Variants in THSD7B observed in about 807,000 individuals in gnomAD.
THSD7B encodes thrombospondin type-1 domain-containing protein 7B.
THSD7B carries 138 observed loss-of-function variants against 213.6 expected under a neutral mutation model. That is an observed-to-expected ratio of 0.65 (90% CI 0.56 to 0.74). The LOEUF is 0.74. Ranked by LOEUF, THSD7B falls within the 30% of genes least tolerant of loss-of-function variation. The pLI is 0.00. For synonymous variants in THSD7B, 742 were observed against 687.0 expected (o/e 1.08, Z -1.25); for missense variants, 1,931 against 1,991.5 (o/e 0.97, Z 0.58).
At chr2:136,793,784 C>CAG (rs1225774294) in intron 1 of THSD7B, among the ~76,000 whole-genome samples, 2 of 151,754 alleles carry the variant, frequency 1.3e-5, no homozygotes, top group African/African-American at 2.4e-5. Flanking sequence ...ATCCTAGCCT[C>CAG]ATAACATAAA....
intron 2 of THSD7B, among the ~76,000 whole-genome samples, chr2:136,999,402 A>C (rs1415000790): frequency 6.6e-5 from 10 of 152,022 alleles, no homozygotes; most frequent in Admixed American, 6.6e-4. Context: ...CTGAAAAAGA[A>C]GGAAAGCTAG....
chr2:137,011,017 T>C (rs1038061675), intron 2 of THSD7B, among the ~76,000 whole-genome samples: 1 of 152,210 alleles, frequency 6.6e-6, no homozygotes, highest in African/African-American at 2.4e-5. Flanking sequence ...AAGGTTGATG[T>C]TATTAGCCTT....
intron 26 of THSD7B, 78 bp downstream of exon 26, chr2:137,663,653 G>C: frequency 7.8e-7 from 1 of 1,286,398 alleles, no homozygotes; most frequent in Non-Finnish European, 1.1e-6. Flanking sequence ...ATGATGGAAA[G>C]AATGGAGGGA....
rs58020021 is a variant in THSD7B, at chr2:137,000,814, G to A, written c.140-55606G>A. Among the ~76,000 whole-genome samples the A allele has an allele frequency of 5.1e-3, 778 of 152,144 alleles. 43 individuals carry two copies. The East Asian group carries it at 0.12, about 23-fold the overall frequency. ...AGCTACCAGGCATACCTTTGGAGAT[G>A]TTTTTATTTTATTTTTTATTTTTAG... On this transcript the variant is annotated intron_variant, in intron 2 of 27. Transcript: ENST00000409968.
rs757902339 is a variant in THSD7B, at chr2:137,092,555, G to A, written c.951-2318G>A. On this transcript the variant is annotated intron_variant, in intron 3 of 27. Coordinates refer to ENST00000409968, the MANE Select transcript of THSD7B (RefSeq NM_001316349.2). ...ATTTACTATCAATATGGCCAAATAT[G>A]AGCATATTTTACTCTGTCTTCTATA... 3.2e-4 allele frequency among the ~76,000 whole-genome samples: 48 copies of A among 152,242 alleles called. 1 individual carries two copies. The highest frequency in any genetic ancestry group is 3.4e-3 in the Middle Eastern group (1 of 294).
intron 14 of THSD7B, among the ~76,000 whole-genome samples, chr2:137,435,491 A>T (rs1179617133): frequency 1.3e-5 from 2 of 152,196 alleles, no homozygotes; most frequent in Admixed American, 1.3e-4. Flanking sequence ...TGTTTTCTCC[A>T]TTCCAGCCCC....
chr2:137,251,910 C>T (rs1682186615), intron 10 of THSD7B, among the ~76,000 whole-genome samples: 1 of 152,144 alleles, frequency 6.6e-6, no homozygotes, highest in South Asian at 2.1e-4. Flanking sequence ...CAAGCACCTA[C>T]TGTGTTGTTT....
At chr2:136,834,458 T>G (rs778190) in intron 1 of THSD7B, among the ~76,000 whole-genome samples, 93,217 of 151,876 alleles carry the variant, frequency 0.61, 28,888 homozygotes, top group South Asian at 0.71. Flanking sequence ...TAAAAGTGAA[T>G]GGACAAATCT....
At chr2:137,325,102 G>A (rs906746698) in intron 12 of THSD7B, among the ~76,000 whole-genome samples, 1 of 152,176 alleles carries the variant, frequency 6.6e-6, no homozygotes, top group South Asian at 2.1e-4. Flanking sequence ...CTGGACAGGC[G>A]GCCACAGGTT....
chr2:137,591,420 A>G, intron 17 of THSD7B, among the ~76,000 whole-genome samples: 1 of 151,964 alleles, frequency 6.6e-6, no homozygotes, highest in Non-Finnish European at 1.5e-5. Flanking sequence ...AATGATATAA[A>G]TGTCCTTATT....
At chr2:137,075,204 C>G (rs900799231) in intron 3 of THSD7B, among the ~76,000 whole-genome samples, 1 of 152,196 alleles carries the variant, frequency 6.6e-6, no homozygotes, top group Non-Finnish European at 1.5e-5. Context: ...TCCATTCTCC[C>G]CATCACTTTC....
chr2:137,115,148 G>C lies in THSD7B; in HGVS notation c.1224G>C (p.Trp408Cys). ...CPRYSWRTSE[W>C]KECQVSLLLE... Reference sequence around the variant, plus strand: ...GGTATTCCTGGAGAACTTCTGAATGGAAAGAATGCCAAGTCTCTCTCCTCC... The same window carrying C: ...GGTATTCCTGGAGAACTTCTGAATGCAAAGAATGCCAAGTCTCTCTCCTCC... Residue 408 changes from tryptophan (W) to cysteine (C), a missense_variant, in exon 5 of 28, where the codon TGG becomes TGC. By Grantham distance (215) the Trp-to-Cys change is radical. Transcript: ENST00000409968. The C allele has an allele frequency of 6.2e-7, 1 of 1,613,880 alleles. No homozygotes were observed. Among genetic ancestry groups the C allele is most frequent in the Non-Finnish European group, 8.5e-7 (1 of 1,179,854 alleles).
intron 14 of THSD7B, among the ~76,000 whole-genome samples, chr2:137,414,408 G>GTATA (rs139229283): frequency 6.6e-6 from 1 of 151,428 alleles, no homozygotes; most frequent in Non-Finnish European, 1.5e-5. Context: ...GTGTGTGTGT[G>GTATA]TATATATATA....
At chr2:137,463,899 T>C (rs2105083362) in intron 15 of THSD7B, among the ~76,000 whole-genome samples, 1 of 152,254 alleles carries the variant, frequency 6.6e-6, no homozygotes, top group African/African-American at 2.4e-5. Flanking sequence ...AGGCAGCTTC[T>C]GCACAGCCTC....
intron 17 of THSD7B, among the ~76,000 whole-genome samples, chr2:137,575,725 C>CACACACATATATATATAT (rs59620213): frequency 1.8e-5 from 2 of 110,816 alleles, no homozygotes; most frequent in Admixed American, 1.0e-4. Flanking sequence ...CCATAACACA[C>CACACACATATATATATAT]ATATATATAT....
At chr2:137,011,609 T>G (rs2104834570) in intron 2 of THSD7B, among the ~76,000 whole-genome samples, 1 of 152,312 alleles carries the variant, frequency 6.6e-6, no homozygotes, top group South Asian at 2.1e-4. Flanking sequence ...CACAGGAAGC[T>G]TCTCCATCTT....
intron 2 of THSD7B, among the ~76,000 whole-genome samples, chr2:136,969,748 A>T (rs2104798581): frequency 6.6e-6 from 1 of 152,308 alleles, no homozygotes; most frequent in African/African-American, 2.4e-5. Context: ...AGAAAGACCA[A>T]GGAATACTAG....
chr2:137,315,816 A>G (rs1281573452), intron 12 of THSD7B, among the ~76,000 whole-genome samples: 2 of 152,146 alleles, frequency 1.3e-5, no homozygotes, highest in East Asian at 3.9e-4. Flanking sequence ...TGCCTGTTGT[A>G]ATTTCTCATG....
At chr2:137,528,406 G>A (rs1028719760) in intron 15 of THSD7B, among the ~76,000 whole-genome samples, 6 of 151,986 alleles carry the variant, frequency 3.9e-5, no homozygotes, top group South Asian at 2.1e-4. Context: ...TACCTCACTG[G>A]ATTTTTTATG....
Sources: allele counts gnomAD v4.1 joint callset (sites outside exome capture counted in the v4.1 genomes callset), GRCh38; gene constraint gnomAD v4.1.1; transcripts MANE v1.5; gene names NCBI Gene and HGNC (gene_info 2026-07-23, HGNC 2026-07-21).